RBFOX1: variants seen among roughly 807,000 people sequenced by gnomAD.
The protein encoded by RBFOX1 is RNA binding fox-1 homolog 1.
RBFOX1 carries 8 observed loss-of-function variants against 57.7 expected under a neutral mutation model. The ratio of observed to expected loss-of-function variants is 0.14; its 90% CI spans 0.08 to 0.25. The LOEUF (loss-of-function observed/expected upper bound fraction) is 0.25, where lower values mean the gene tolerates loss of function less well. Ranked by LOEUF, RBFOX1 falls within the 10% of genes least tolerant of loss-of-function variation. The pLI, the probability that RBFOX1 is intolerant of heterozygous loss-of-function variation, is 1.00. For missense variants in RBFOX1, 611 were observed against 548.5 expected (o/e 1.11, Z -1.14); for synonymous variants, 326 against 222.4 (o/e 1.47, Z -4.15).
intron 4 of RBFOX1, among the ~76,000 whole-genome samples, chr16:5,937,710 T>A (rs934068395): frequency 8.0e-5 from 12 of 149,540 alleles, no homozygotes; most frequent in Admixed American, 6.7e-4. Context: ...GTAAGTAGTA[T>A]AGTTATATAT....
At chr16:5,321,889 C>T (rs962878299) in intron 1 of RBFOX1, among the ~76,000 whole-genome samples, 8 of 152,168 alleles carry the variant, frequency 5.3e-5, no homozygotes, top group Non-Finnish European at 7.3e-5. Flanking sequence ...CAGGGACCCA[C>T]ACCTTGCTGC....
At chr16:7,273,465 C>G (rs570832724) in intron 4 of RBFOX1, among the ~76,000 whole-genome samples, 2 of 152,194 alleles carry the variant, frequency 1.3e-5, no homozygotes, top group African/African-American at 4.8e-5. Flanking sequence ...TCTGCTGCAT[C>G]AAGGGTCCCT....
At chr16:5,284,870 A>G (rs116788749) in intron 1 of RBFOX1, among the ~76,000 whole-genome samples, 2 of 144,950 alleles carry the variant, frequency 1.4e-5, no homozygotes, top group African/African-American at 5.1e-5. Context: ...AAGGGACTTC[A>G]TGCTTTTCTC....
intron 4 of RBFOX1, among the ~76,000 whole-genome samples, chr16:7,515,476 CAT>C: frequency 6.7e-6 from 1 of 148,164 alleles, no homozygotes; most frequent in East Asian, 2.0e-4. Flanking sequence ...TCCACACACA[CAT>C]ACACACACAC....
intron 4 of RBFOX1, among the ~76,000 whole-genome samples, chr16:7,506,243 G>T (rs2073252309): frequency 9.0e-6 from 1 of 110,680 alleles, no homozygotes; most frequent in African/African-American, 3.4e-5. Flanking sequence ...ATAGTTACCA[G>T]AACAAAAGTT....
At chr16:5,639,377 G>T (rs761572291) in intron 3 of RBFOX1, among the ~76,000 whole-genome samples, 67 of 152,302 alleles carry the variant, frequency 4.4e-4, no homozygotes, top group Middle Eastern at 6.8e-3. Flanking sequence ...TTTGCCTGCA[G>T]AGTTGTTAAA....
intron 4 of RBFOX1, among the ~76,000 whole-genome samples, chr16:7,285,590 CTATT>C (rs2095634820): frequency 6.6e-6 from 1 of 151,854 alleles, no homozygotes; most frequent in Non-Finnish European, 1.5e-5. Flanking sequence ...AATTTTCTCT[CTATT>C]TATAAGCTTG....
intron 4 of RBFOX1, among the ~76,000 whole-genome samples, chr16:7,077,082 C>T (rs1433660546): frequency 6.6e-6 from 1 of 152,202 alleles, no homozygotes; most frequent in Admixed American, 6.5e-5. Context: ...TTTGCACAGA[C>T]TTCTCCTGAT....
At chr16:7,321,077 GTATACATATACA>G (rs368597309) in intron 4 of RBFOX1, among the ~76,000 whole-genome samples, 5,801 of 142,682 alleles carry the variant, frequency 0.041, 181 homozygotes, top group African/African-American at 0.093. Context: ...CTATCTATAC[GTATACATATACA>G]TATACATATA....
intron 1 of RBFOX1, among the ~76,000 whole-genome samples, chr16:5,454,906 CTTT>C (rs2068557886): frequency 4.4e-5 from 3 of 68,112 alleles, no homozygotes; most frequent in Non-Finnish European, 9.6e-5. Context: ...TTCTTTCTTT[CTTT>C]CTTTCCTTTG....
intron 2 of RBFOX1, among the ~76,000 whole-genome samples, chr16:6,347,348 A>G (rs963728072): frequency 6.6e-6 from 1 of 152,172 alleles, no homozygotes; most frequent in South Asian, 2.1e-4. Context: ...GCTGCATACT[A>G]TGCTTGGTTC....
At chr16:6,406,308 T>C (rs1369913812) in intron 2 of RBFOX1, among the ~76,000 whole-genome samples, 3 of 150,596 alleles carry the variant, frequency 2.0e-5, no homozygotes, top group South Asian at 2.1e-4. Context: ...CAGTGGTCCC[T>C]TCCTATAATC....
chr16:7,683,424 A>C (rs2075358253), intron 14 of RBFOX1, among the ~76,000 whole-genome samples: 1 of 152,052 alleles, frequency 6.6e-6, no homozygotes, highest in Non-Finnish European at 1.5e-5. Context: ...TAATGGCTTC[A>C]TAACAACTGT....
intron 3 of RBFOX1, among the ~76,000 whole-genome samples, chr16:5,771,181 G>C (rs2053964639): frequency 6.6e-6 from 1 of 152,370 alleles, no homozygotes; most frequent in South Asian, 2.1e-4. Context: ...CCTAGACACA[G>C]CGGGGCTACC....
intron 4 of RBFOX1, among the ~76,000 whole-genome samples, chr16:7,387,333 A>T (rs2097901545): frequency 6.6e-6 from 1 of 152,194 alleles, no homozygotes; most frequent in Non-Finnish European, 1.5e-5. Context: ...ACTGAGACCC[A>T]GGTATTTGAT....
At chr16:6,219,704 G>A (rs1367739631) in intron 1 of RBFOX1, among the ~76,000 whole-genome samples, 1 of 152,020 alleles carries the variant, frequency 6.6e-6, no homozygotes, top group Non-Finnish European at 1.5e-5. Flanking sequence ...GTGAAAACCT[G>A]TCTCTACTAA....
intron 3 of RBFOX1, among the ~76,000 whole-genome samples, chr16:5,763,290 T>C (rs1053248521): frequency 3.3e-5 from 5 of 152,228 alleles, no homozygotes; most frequent in African/African-American, 1.2e-4. Flanking sequence ...GGAAGTGTCA[T>C]GTCTGGGAAA....
chr16:7,446,084 G>A (rs2098805473), intron 4 of RBFOX1, among the ~76,000 whole-genome samples: 2 of 152,062 alleles, frequency 1.3e-5, no homozygotes, highest in Admixed American at 1.3e-4. Context: ...CTGAGATCTG[G>A]GTTAACTGGG....
At chr16:6,033,709 T>C (rs1165141783) in intron 1 of RBFOX1, among the ~76,000 whole-genome samples, 1 of 152,258 alleles carries the variant, frequency 6.6e-6, no homozygotes, top group Non-Finnish European at 1.5e-5. Flanking sequence ...TGGATATTTA[T>C]GTTGTTTCCA....
Sources: allele counts gnomAD v4.1 joint callset (sites outside exome capture counted in the v4.1 genomes callset), GRCh38; gene constraint gnomAD v4.1.1; transcripts MANE v1.5; gene names NCBI Gene and HGNC (gene_info 2026-07-23, HGNC 2026-07-21).